Variants in NECAB1 observed in about 807,000 individuals in gnomAD.
The protein encoded by NECAB1 is N-terminal EF-hand calcium binding protein 1, also known as N-terminal EF-hand calcium-binding protein 1.
In NECAB1, 29 loss-of-function variants were observed where a neutral mutation model predicts 57.5. The ratio of observed to expected loss-of-function variants is 0.50; its 90% CI spans 0.38 to 0.69. NECAB1 has a LOEUF of 0.69. NECAB1 is among the 30% of genes least tolerant of loss of function. NECAB1 has a pLI of 0.00. For missense variants in NECAB1, 372 were observed against 413.8 expected (o/e 0.90, Z 0.88); for synonymous variants, 142 against 147.7 (o/e 0.96, Z 0.28).
Position 90,949,822 on chromosome 8 carries a change from G to T in NECAB1, c.876G>T (p.Lys292Asn). The T allele has an allele frequency of 6.2e-7, 1 of 1,604,192 alleles. No homozygotes were observed. The highest frequency in any genetic ancestry group is 1.1e-5 in the South Asian group (1 of 89,884). The change falls in exon 11 of 13, where the codon AAG becomes AAT. Residue 292 changes from lysine to asparagine, a missense_variant. Lys to Asn is a moderately conservative substitution (Grantham distance 94). Coordinates refer to ENST00000417640, the MANE Select transcript of NECAB1 (RefSeq NM_022351.5). ...QSGCLRISIQ[K>N]LSNESRYMIY... is the part of the protein sequence containing the mutation. ...TCCATTTCAGTATTTCTATACAGAA[G>T]CTTTCAAATGAATCTCGCTACATGA...
At chr8:90,820,052 C>G (rs1425910923) in intron 2 of NECAB1, among the ~76,000 whole-genome samples, 1 of 151,864 alleles carries the variant, frequency 6.6e-6, no homozygotes, top group African/African-American at 2.4e-5. Flanking sequence ...CACAATCAGC[C>G]TCCAGCAATT....
intron 5 of NECAB1, among the ~76,000 whole-genome samples, chr8:90,896,078 T>C (rs1180997284): frequency 1.3e-5 from 2 of 152,182 alleles, no homozygotes; most frequent in Admixed American, 1.3e-4. Context: ...ATACTTATTC[T>C]TGTCGGGTGC....
At chr8:90,826,434 C>A (rs139574348) in intron 3 of NECAB1, among the ~76,000 whole-genome samples, 1 of 151,894 alleles carries the variant, frequency 6.6e-6, no homozygotes, top group Non-Finnish European at 1.5e-5. Flanking sequence ...CTCCTTAAAT[C>A]GCTACTGGGG....
chr8:90,816,277 G>A (rs540386231), intron 2 of NECAB1, among the ~76,000 whole-genome samples: 13 of 151,658 alleles, frequency 8.6e-5, no homozygotes, highest in South Asian at 4.1e-4. Flanking sequence ...TATGGGTTTC[G>A]CAAATATTTT....
chr8:90,849,867 A>G (rs1412738396), intron 3 of NECAB1, among the ~76,000 whole-genome samples: 1 of 151,900 alleles, frequency 6.6e-6, no homozygotes, highest in Non-Finnish European at 1.5e-5. Flanking sequence ...AAACGGCCAT[A>G]GTGGATCATT....
chr8:90,806,433 G>T (rs763745582), intron 2 of NECAB1: 1 of 152,242 alleles, frequency 6.6e-6, no homozygotes, highest in South Asian at 2.1e-4. Flanking sequence ...TTTCACTGAA[G>T]AAATATAATC....
intron 3 of NECAB1, among the ~76,000 whole-genome samples, chr8:90,851,916 G>A (rs929963347): frequency 6.6e-6 from 1 of 152,094 alleles, no homozygotes; most frequent in African/African-American, 2.4e-5. Flanking sequence ...AAGTTCGTCT[G>A]TGGTCCACCT....
intron 3 of NECAB1, among the ~76,000 whole-genome samples, chr8:90,851,165 G>C (rs1176726887): frequency 6.6e-6 from 1 of 152,202 alleles, no homozygotes; most frequent in Non-Finnish European, 1.5e-5. Flanking sequence ...AAGAGGGCAT[G>C]GAAGCTCCAT....
intron 1 of NECAB1, 117 bp from the exon 2 acceptor site, chr8:90,801,574 G>A (rs1170276197): frequency 8.6e-6 from 6 of 699,856 alleles, no homozygotes; most frequent in Admixed American, 3.1e-5. Context: ...ATTGGGAAAC[G>A]CTTACTTAAA....
At position 90,816,637 on chromosome 8, in the gene NECAB1, A is replaced by G. The variant is rs183616617; in HGVS notation, c.125-8080A>G. 5.3e-5 allele frequency among the ~76,000 whole-genome samples: 8 copies of G among 151,938 alleles called. No individual in the cohort carries two copies. The East Asian group carries it at 1.5e-3, about 29-fold the overall frequency. ...CTCCTTTGTCAACAATCAGTTGACT[A>G]TACTAGTGTGGGTATACTTCTGGAC... On this transcript the variant is annotated intron_variant, in intron 2 of 12. Transcript: ENST00000417640.
chr8:90,853,749 G>T (rs1812734654), intron 3 of NECAB1, among the ~76,000 whole-genome samples: 1 of 152,190 alleles, frequency 6.6e-6, no homozygotes, highest in Non-Finnish European at 1.5e-5. Context: ...TCAAGGTCCA[G>T]TTGCTTGCTG....
rs75162618 is a variant in NECAB1 at position 90,940,958 on chromosome 8, T to C, written c.860+60T>C. The C allele has an allele frequency of 3.6e-5, 45 of 1,261,654 alleles. No homozygotes were observed. In the African/African-American group the frequency reaches 5.8e-4, roughly 16 times the overall value. 78.2% of individuals were successfully genotyped at this position (1,261,654 alleles called of 1,614,324 possible). On this transcript the variant is annotated intron_variant, in intron 10 of 12. Transcript: ENST00000417640. Reference sequence around the variant, plus strand: ...GCAGCCTGGGAATACAGTGAAGGCATTTCTTACTTTAGACAAGGCTGGGGG... The same window carrying C: ...GCAGCCTGGGAATACAGTGAAGGCACTTCTTACTTTAGACAAGGCTGGGGG...
intron 2 of NECAB1, among the ~76,000 whole-genome samples, chr8:90,802,682 A>T (rs999704676): frequency 6.6e-6 from 1 of 152,170 alleles, no homozygotes; most frequent in Non-Finnish European, 1.5e-5. Context: ...CTTGACTGAC[A>T]AGACACACCT....
At chr8:90,904,081 T>A (rs1809575100) in intron 5 of NECAB1, among the ~76,000 whole-genome samples, 1 of 152,140 alleles carries the variant, frequency 6.6e-6, no homozygotes, top group African/African-American at 2.4e-5. Context: ...AGCCCTCATG[T>A]AAATGTGCAG....
chr8:90,942,697 C>T (rs1038689599), intron 10 of NECAB1, among the ~76,000 whole-genome samples: 14 of 152,150 alleles, frequency 9.2e-5, no homozygotes, highest in Non-Finnish European at 1.8e-4. Context: ...GACTGACCAA[C>T]GTGATGAGAC....
chr8:90,944,362 T>G (rs1173025673), intron 10 of NECAB1, among the ~76,000 whole-genome samples: 1 of 152,110 alleles, frequency 6.6e-6, no homozygotes, highest in Non-Finnish European at 1.5e-5. Flanking sequence ...GTTACAGAGG[T>G]TTTGTTTTAG....
At chr8:90,806,483 ATC>A (rs1408867037) in intron 2 of NECAB1, 3 of 152,360 alleles carry the variant, frequency 2.0e-5, no homozygotes, top group South Asian at 4.1e-4. Context: ...GTTGTTATTT[ATC>A]TGTTGTTTAT....
intron 2 of NECAB1, among the ~76,000 whole-genome samples, chr8:90,821,298 G>T (rs1812140501): frequency 6.6e-6 from 1 of 151,806 alleles, no homozygotes; most frequent in Non-Finnish European, 1.5e-5. Flanking sequence ...TCCATCTGTT[G>T]CTCAGTTTGG....
chr8:90,930,220 T>G (rs1238044507), intron 8 of NECAB1, among the ~76,000 whole-genome samples: 1 of 152,220 alleles, frequency 6.6e-6, no homozygotes, highest in Non-Finnish European at 1.5e-5. Context: ...GGGCCTATAT[T>G]AAGCTAATGA....
Sources: allele counts gnomAD v4.1 joint callset (sites outside exome capture counted in the v4.1 genomes callset), GRCh38; gene constraint gnomAD v4.1.1; transcripts MANE v1.5; gene names NCBI Gene and HGNC (gene_info 2026-07-23, HGNC 2026-07-21).